Variants in PTPRN2 observed in about 807,000 individuals in gnomAD.
PTPRN2 encodes protein tyrosine phosphatase receptor type N2.
A neutral mutation model predicts 118.8 loss-of-function variants in PTPRN2; 74 were observed. That is an observed-to-expected ratio of 0.62 (90% CI 0.52 to 0.76). The LOEUF (loss-of-function observed/expected upper bound fraction) is 0.76. PTPRN2 is among the 30% of genes least tolerant of loss of function. The probability of loss-of-function intolerance (pLI) is 0.00; values close to 1 mark genes in which losing one functional copy is unlikely to be tolerated. For synonymous variants in PTPRN2, 641 were observed against 608.0 expected, an observed-to-expected ratio of 1.05 and a Z score of -0.80; for missense variants, 1,481 against 1,394.4, an observed-to-expected ratio of 1.06 and a Z score of -0.99.
chr7:158,394,070 C>T (rs1222341623), intron 2 of PTPRN2, among the ~76,000 whole-genome samples: 1 of 150,834 alleles, frequency 6.6e-6, no homozygotes, highest in Admixed American at 6.6e-5. Context: ...TGGCCCCCCT[C>T]TGTACCCCAC....
rs114551592 is a variant in PTPRN2 at position 158,522,818 on chromosome 7, C to T, written c.113-33033G>A. On this transcript the variant is annotated intron_variant, in intron 1 of 22. Coordinates refer to ENST00000389418, the MANE Select transcript of PTPRN2 (RefSeq NM_002847.5). ...TTGTCTTGAGAGCAGCTCACCATCA[C>T]GAGTTCTTCCAACAGCCCAAGTCTT... Among the ~76,000 whole-genome samples, 414 of 152,306 alleles carry T rather than the reference C, an allele frequency of 2.7e-3. 3 individuals carry two copies. Among genetic ancestry groups the T allele is most frequent in the African/African-American group, 9.3e-3 (386 of 41,552 alleles).
chr7:158,338,669 CGT>C (rs1246461920), intron 2 of PTPRN2, among the ~76,000 whole-genome samples: 2 of 25,682 alleles, frequency 7.8e-5, no homozygotes, highest in African/African-American at 3.5e-4. Flanking sequence ...ACGTCACTCA[CGT>C]ACACAGTTCT....
chr7:158,123,197 A>G (rs1304287979), intron 9 of PTPRN2, among the ~76,000 whole-genome samples: 1 of 152,254 alleles, frequency 6.6e-6, no homozygotes, highest in African/African-American at 2.4e-5. Context: ...TTCATCATTA[A>G]AACAAACCAT....
chr7:158,225,539 A>G (rs1054570582), intron 3 of PTPRN2, among the ~76,000 whole-genome samples: 1 of 152,220 alleles, frequency 6.6e-6, no homozygotes, highest in Non-Finnish European at 1.5e-5. Context: ...TGGGAGGCAC[A>G]TACGGTTTGA....
In PTPRN2 at chr7:158,406,498, C is replaced by G. The variant is rs370698427; in HGVS notation, c.163+83237G>C. 3.2e-4 allele frequency among the ~76,000 whole-genome samples: 48 copies of G among 152,378 alleles called. 1 individual carries two copies. Among genetic ancestry groups the G allele is most frequent in the Middle Eastern group, 3.4e-3 (1 of 294 alleles). ...GAGACATGTGGCTGCACACTGAGAT[C>G]CCGCAGTGGTGCTTATCTCAGGAAG... is the stretch of plus-strand genomic sequence containing the variant. On this transcript the variant is annotated intron_variant, in intron 2 of 22. Transcript: ENST00000389418.
intron 12 of PTPRN2, among the ~76,000 whole-genome samples, chr7:157,702,155 T>C (rs1798109682): frequency 6.7e-6 from 1 of 149,844 alleles, no homozygotes; most frequent in African/African-American, 2.5e-5. Flanking sequence ...GGTCCTGGTG[T>C]AACTGACACG....
chr7:158,105,749 C>A (rs750119663), intron 10 of PTPRN2, among the ~76,000 whole-genome samples: 3 of 152,028 alleles, frequency 2.0e-5, no homozygotes, highest in Non-Finnish European at 4.4e-5. Context: ...TCCATTGTAT[C>A]TCCATCCAGT....
intron 12 of PTPRN2, among the ~76,000 whole-genome samples, chr7:157,777,666 T>A (rs1474581265): frequency 6.6e-6 from 1 of 152,238 alleles, no homozygotes; most frequent in African/African-American, 2.4e-5. Context: ...CCAGAAGGTG[T>A]GCTTAGGCAC....
At chr7:157,901,881 C>T (rs942755257) in intron 11 of PTPRN2, among the ~76,000 whole-genome samples, 6 of 98,414 alleles carry the variant, frequency 6.1e-5, no homozygotes, top group African/African-American at 1.1e-4. Context: ...GGTCCTGAGG[C>T]GGGGCCTTCC....
chr7:158,374,497 T>G (rs965812200), intron 2 of PTPRN2, among the ~76,000 whole-genome samples: 7 of 152,078 alleles, frequency 4.6e-5, no homozygotes, highest in African/African-American at 1.7e-4. Flanking sequence ...AAACACGATC[T>G]GTAAAAAGGA....
chr7:158,117,050 C>T (rs1816781803), intron 9 of PTPRN2, among the ~76,000 whole-genome samples: 1 of 139,724 alleles, frequency 7.2e-6, no homozygotes, highest in South Asian at 2.3e-4. Flanking sequence ...AAACTACAGC[C>T]CATTCAAAGG....
chr7:157,901,934 TGTTTCCTGGGTCCTG>T, intron 11 of PTPRN2, among the ~76,000 whole-genome samples: 1 of 150,910 alleles, frequency 6.6e-6, no homozygotes, highest in Admixed American at 6.6e-5. Context: ...TTCCCGTCCG[TGTTTCCTGGGTCCTG>T]AGGCGGGGCC....
intron 6 of PTPRN2, among the ~76,000 whole-genome samples, chr7:158,152,439 T>A: frequency 6.6e-6 from 1 of 151,902 alleles, no homozygotes; most frequent in East Asian, 1.9e-4. Context: ...GCGTGTTGGG[T>A]TGGAAGAACA....
intron 1 of PTPRN2, among the ~76,000 whole-genome samples, chr7:158,512,743 G>A (rs1823269451): frequency 6.6e-6 from 1 of 152,160 alleles, no homozygotes; most frequent in African/African-American, 2.4e-5. Flanking sequence ...AAATACACAA[G>A]ATGAGCCTAA....
intron 12 of PTPRN2, among the ~76,000 whole-genome samples, chr7:157,797,994 C>T (rs1585495298): frequency 6.6e-6 from 1 of 152,340 alleles, no homozygotes; most frequent in South Asian, 2.1e-4. Flanking sequence ...CGTCGTGGCT[C>T]ATGCCTGTAA....
At chr7:158,017,025 GA>G (rs1162431391) in intron 11 of PTPRN2, among the ~76,000 whole-genome samples, 1 of 151,954 alleles carries the variant, frequency 6.6e-6, no homozygotes, top group Non-Finnish European at 1.5e-5. Context: ...ATTTTAAAGA[GA>G]AAAAAAGTGT....
At chr7:158,426,013 A>G (rs867331104) in intron 2 of PTPRN2, among the ~76,000 whole-genome samples, 15 of 14,922 alleles carry the variant, frequency 1.0e-3, no homozygotes, top group East Asian at 3.7e-3. Context: ...AAAGACGCAG[A>G]GTCCGAGACC....
rs185487329 is a variant in PTPRN2 at position 157,650,105 on chromosome 7, C to T, written c.2196+6252G>A. 5.3e-5 allele frequency among the ~76,000 whole-genome samples: 8 copies of T among 152,336 alleles called. No individual in the cohort carries two copies. In the East Asian group the frequency reaches 1.5e-3, roughly 29 times the overall value. On this transcript the variant is annotated intron_variant, in intron 14 of 22. Transcript: ENST00000389418. ...GTCTCGGGGTCTCCAGAGCCGGCTA[C>T]TATGGCACCTGGACGCTCCTCCTCT...
At chr7:158,183,456 G>T (rs1349401495) in intron 5 of PTPRN2, among the ~76,000 whole-genome samples, 2 of 152,130 alleles carry the variant, frequency 1.3e-5, no homozygotes, top group Non-Finnish European at 1.5e-5. Flanking sequence ...AAGGGAGTTT[G>T]TCCCCACTCA....
Sources: allele counts gnomAD v4.1 joint callset (sites outside exome capture counted in the v4.1 genomes callset), GRCh38; gene constraint gnomAD v4.1.1; transcripts MANE v1.5; gene names NCBI Gene and HGNC (gene_info 2026-07-23, HGNC 2026-07-21).